ITGAE: variants seen among roughly 807,000 people sequenced by gnomAD.
ITGAE encodes the protein integrin subunit alpha E.
In ITGAE, 99 loss-of-function variants were observed where a neutral mutation model predicts 136.5. The ratio of observed to expected loss-of-function variants is 0.73; its 90% confidence interval spans 0.62 to 0.86. ITGAE has a LOEUF of 0.86. Among genes scored for constraint, ITGAE ranks in the 40% least tolerant of loss-of-function variants. The probability of loss-of-function intolerance (pLI) is 0.00; values close to 1 mark genes in which losing one functional copy is unlikely to be tolerated. For synonymous variants in ITGAE, 613 were observed against 591.8 expected (o/e 1.04, Z -0.52); for missense variants, 1,447 against 1,515.3 (o/e 0.95, Z 0.75).
chr17:3,757,555 G>T, intron 9 of ITGAE, 151 bp downstream of exon 9: 2 of 890,878 alleles, frequency 2.2e-6, no homozygotes, highest in Non-Finnish European at 1.8e-6. Context: ...GCCCTCTCTG[G>T]GATGACAGAG....
At chr17:3,755,745 A>T in intron 11 of ITGAE, 85 bp downstream of exon 11, 1 of 1,131,990 alleles carries the variant, frequency 8.8e-7, no homozygotes, top group Non-Finnish European at 1.3e-6. Flanking sequence ...AGAGCCCTGG[A>T]TGGGAGGCAG....
intron 16 of ITGAE, among the ~76,000 whole-genome samples, chr17:3,748,604 T>C (rs560580089): frequency 6.6e-6 from 1 of 152,058 alleles, no homozygotes; most frequent in Admixed American, 6.6e-5. Context: ...ACAACAAAAA[T>C]ACGGTAATAA....
intron 21 of ITGAE, among the ~76,000 whole-genome samples, chr17:3,733,544 C>T (rs2051394013): frequency 6.6e-6 from 1 of 152,170 alleles, no homozygotes; most frequent in African/African-American, 2.4e-5. Flanking sequence ...CCTCAGCCTC[C>T]CGAGTAGCTG....
chr17:3,734,237 ATTTT>A (rs34963571), intron 21 of ITGAE, among the ~76,000 whole-genome samples: 18 of 151,490 alleles, frequency 1.2e-4, no homozygotes, highest in African/African-American at 4.1e-4. Flanking sequence ...CGCCCAGCTA[ATTTT>A]TTTTTGTATT....
intron 1 of ITGAE, among the ~76,000 whole-genome samples, chr17:3,793,876 C>T (rs1423473963): frequency 6.6e-6 from 1 of 151,748 alleles, no homozygotes; most frequent in Admixed American, 6.6e-5. Flanking sequence ...AGCATTGGAG[C>T]CCTTCCTGAT....
At chr17:3,758,100 T>A (rs2052073524) in intron 8 of ITGAE, among the ~76,000 whole-genome samples, 1 of 152,170 alleles carries the variant, frequency 6.6e-6, no homozygotes, top group Non-Finnish European at 1.5e-5. Context: ...TGGCAGTCCA[T>A]TCCTCTTGTG....
At chr17:3,790,103 G>T (rs1567560639) in intron 1 of ITGAE, among the ~76,000 whole-genome samples, 1 of 152,118 alleles carries the variant, frequency 6.6e-6, no homozygotes, top group Non-Finnish European at 1.5e-5. Context: ...CTCTAGGAAG[G>T]ATCTAAGGGC....
rs545711571 is a variant in ITGAE at position 3,747,195 on chromosome 17, G to A, written c.2155+727C>T. Among the ~76,000 whole-genome samples the A allele has an allele frequency of 2.7e-3, 405 of 152,380 alleles. 6 individuals are homozygous for A. The highest frequency in any genetic ancestry group is 3.3e-3 in the Non-Finnish European group (223 of 68,036). On this transcript the variant is annotated intron_variant, in intron 17 of 30. Transcript: ENST00000263087. ...CAGGTGATCCAATCCCACCTGGGCC[G>A]GAGGCACATAGTGAGGAGGGAAGGG...
intron 21 of ITGAE, among the ~76,000 whole-genome samples, chr17:3,733,023 G>A (rs1016311250): frequency 3.3e-5 from 5 of 152,050 alleles, no homozygotes; most frequent in Admixed American, 6.6e-5. Context: ...TCACTCTTTC[G>A]CCCAAGCTGC....
At chr17:3,801,053 C>A in intron 1 of ITGAE, 58 bp downstream of exon 1, 3 of 1,591,216 alleles carry the variant, frequency 1.9e-6, no homozygotes, top group Non-Finnish European at 1.7e-6. Flanking sequence ...AGTCTGCAGA[C>A]ACCTGGCTGG....
At chr17:3,771,006 T>G (rs1197826932) in intron 2 of ITGAE, among the ~76,000 whole-genome samples, 5 of 151,756 alleles carry the variant, frequency 3.3e-5, no homozygotes, top group Admixed American at 6.6e-5. Context: ...GCAGAACCAA[T>G]TGCATAACTT....
chr17:3,788,148 T>C (rs1780975587), intron 1 of ITGAE, among the ~76,000 whole-genome samples: 1 of 152,128 alleles, frequency 6.6e-6, no homozygotes. Context: ...TTTTATCAAT[T>C]TGTGTTGCAA....
intron 1 of ITGAE, among the ~76,000 whole-genome samples, chr17:3,780,405 C>G (rs1041299553): frequency 6.6e-6 from 1 of 152,020 alleles, no homozygotes; most frequent in East Asian, 1.9e-4. Context: ...CCTCGTGATC[C>G]GCCCACCTCG....
rs2052115357 is a variant in ITGAE, at chr17:3,759,566, G to C, written c.715-13C>G. 6.3e-7 allele frequency: 1 copy of C among 1,598,910 alleles called. No individual in the cohort carries two copies. Among genetic ancestry groups the C allele is most frequent in the African/African-American group, 1.3e-5 (1 of 74,670 alleles). On this transcript the variant is annotated splice_polypyrimidine_tract_variant and intron_variant, in intron 7 of 30. Coordinates refer to ENST00000263087, the MANE Select transcript of ITGAE (RefSeq NM_002208.5). ...AGGCAAAGTTGCACTGCAGGGGATG[G>C]GCAGGAGGGCAGGAGGTTGGAAGAA...
intron 1 of ITGAE, among the ~76,000 whole-genome samples, chr17:3,794,845 G>A (rs755216504): frequency 3.9e-4 from 60 of 152,142 alleles, no homozygotes; most frequent in Non-Finnish European, 7.9e-4. Context: ...TCTTCCCCCC[G>A]TTTCACTGTC....
rs1597297655 is a variant in ITGAE at position 3,723,799 on chromosome 17, C to T, written c.3085-55G>A. ...TGAACAAACCAAGCCGCCAGTTTTC[C>T]GTCCCGTCCCGGCCCCGGCCCTGGC... On this transcript the variant is annotated intron_variant, in intron 26 of 30. Coordinates refer to ENST00000263087, the MANE Select transcript of ITGAE (RefSeq NM_002208.5). 4.4e-6 allele frequency: 7 copies of T among 1,591,790 alleles called. No individual in the cohort carries two copies. In the East Asian group the frequency reaches 1.1e-4, roughly 26 times the overall value.
chr17:3,755,234 C>T lies in ITGAE; in HGVS notation c.1267G>A (p.Ala423Thr), dbSNP rs1372804550. The stretch of plus-strand genomic sequence containing the variant: ...AACGCCCCTCCGGACCAGTCAAAGG[C>T]CCCGACGGCGCCGAGCAGCACCTGC... Reference protein sequence around the residue: ...ERQVLLGAVGAFDWSGGALLY... With the variant: ...ERQVLLGAVGTFDWSGGALLY... Residue 423 changes from alanine to threonine, a missense_variant, in exon 12 of 31, where the codon GCC (alanine) becomes ACC (threonine). Physicochemically the swap from Ala to Thr is moderately conservative, Grantham distance 58. Coordinates refer to ENST00000263087, the MANE Select transcript of ITGAE (RefSeq NM_002208.5). 4 of 1,577,016 alleles carry T rather than the reference C, an allele frequency of 2.5e-6. No individual in the cohort carries two copies. The highest frequency in any genetic ancestry group is 1.8e-5 in the Admixed American group (1 of 55,374).
Position 3,741,203 on chromosome 17 carries a change from G to C in ITGAE, c.2449-1325C>G, listed in dbSNP as rs564133871. ...CGCCATTCTCCTGCCTCAGACTCCC[G>C]AGTAGCTGGGACTACAGCTGCCCGC... On this transcript the variant is annotated intron_variant, in intron 19 of 30. Transcript: ENST00000263087. Among the ~76,000 whole-genome samples, 5 of 145,788 alleles carry C rather than the reference G, an allele frequency of 3.4e-5. No homozygotes were observed. In the East Asian group the frequency reaches 1.0e-3, roughly 31 times the overall value.
Position 3,743,469 on chromosome 17 carries a change from C to T in ITGAE, c.2448+20G>A. ...GATAGGCTCTTAAGAGGGCTGGGTA[C>T]TGGCTGTGGGTAGAGTCACCTGGAA... On this transcript the variant is annotated intron_variant, in intron 19 of 30. Coordinates refer to ENST00000263087, the MANE Select transcript of ITGAE (RefSeq NM_002208.5). 6.4e-7 allele frequency: 1 copy of T among 1,570,086 alleles called. No individual in the cohort carries two copies. Among genetic ancestry groups the T allele is most frequent in the Non-Finnish European group, 8.6e-7 (1 of 1,162,504 alleles).
Sources: gnomAD v4.1 joint callset for allele counts (sites outside exome capture counted in the v4.1 genomes callset) on GRCh38, gnomAD v4.1.1 for gene constraint, MANE v1.5 for transcripts, NCBI Gene and HGNC (gene_info 2026-07-23, HGNC 2026-07-21) for gene names.